FGF14: variants seen among roughly 807,000 people sequenced by gnomAD.
The protein encoded by FGF14 is fibroblast growth factor homologous factor 4.
In FGF14, 5 loss-of-function variants were observed where a neutral mutation model predicts 25.5. The ratio of observed to expected loss-of-function variants is 0.20; its 90% CI spans 0.10 to 0.41. The LOEUF (loss-of-function observed/expected upper bound fraction) is 0.41, where lower values mean the gene tolerates loss of function less well. Among genes scored for constraint, FGF14 ranks in the 10% least tolerant of loss-of-function variants. The pLI, the probability that FGF14 is intolerant of heterozygous loss-of-function variation, is 1.00. For synonymous variants in FGF14, 138 were observed against 118.3 expected (o/e 1.17, Z -1.08); for missense variants, 222 against 320.1 (o/e 0.69, Z 2.34).
chr13:101,769,445 A>G (rs922560200), intron 3 of FGF14, among the ~76,000 whole-genome samples: 5 of 152,080 alleles, frequency 3.3e-5, no homozygotes, highest in African/African-American at 1.2e-4. Flanking sequence ...CACCAGTCAT[A>G]CTCCTTGATA....
At chr13:102,090,621 C>T (rs1379377360) in intron 1 of FGF14, among the ~76,000 whole-genome samples, 1 of 152,202 alleles carries the variant, frequency 6.6e-6, no homozygotes, top group Non-Finnish European at 1.5e-5. Flanking sequence ...TGAAAGGGCA[C>T]AGATGGCAGT....
intron 1 of FGF14, among the ~76,000 whole-genome samples, chr13:101,978,668 C>T (rs557638484): frequency 2.6e-5 from 4 of 152,286 alleles, no homozygotes; most frequent in East Asian, 1.9e-4. Context: ...CACTTAAATT[C>T]GCTAGGCATT....
chr13:102,275,262 T>TTCTCTCTCTCTCTCTCTCTCTCTCTCTC lies in FGF14; in HGVS notation c.208+126208_208+126209insGAGAGAGAGAGAGAGAGAGAGAGAGAGA, dbSNP rs56028235. On this transcript the variant is annotated intron_variant, in intron 1 of 4. Transcript: ENST00000376131. ...TCTCTCTCTCTCTCTCTCTCTCTCT[T>TTCTCTCTCTCTCTCTCTCTCTCTCTCTC]TCTCTCTCTCTCTCTCTCTCTCTCT... Among the ~76,000 whole-genome samples, 7 of 68,918 alleles carry TTCTCTCTCTCTCTCTCTCTCTCTCTCTC rather than the reference T, an allele frequency of 1.0e-4. 2 individuals are homozygous for TTCTCTCTCTCTCTCTCTCTCTCTCTCTC. The highest frequency in any genetic ancestry group is 2.5e-4 in the African/African-American group (5 of 19,838). The allele number at this position is 68,918 out of a possible 152,430, so 45.2% of individuals were successfully genotyped here.
At chr13:102,265,269 T>C (rs2052932471) in intron 1 of FGF14, among the ~76,000 whole-genome samples, 1 of 152,124 alleles carries the variant, frequency 6.6e-6, no homozygotes. Flanking sequence ...TAACTCTCCA[T>C]ACCCATTTCT....
At chr13:101,869,206 G>A (rs2044901438) in intron 2 of FGF14, among the ~76,000 whole-genome samples, 1 of 152,176 alleles carries the variant, frequency 6.6e-6, no homozygotes, top group Non-Finnish European at 1.5e-5. Flanking sequence ...TGTTTATTCT[G>A]ACCCTTCGCA....
chr13:102,310,651 TTCTCTCTCTCTC>T (rs34400050), intron 1 of FGF14, among the ~76,000 whole-genome samples: 24 of 45,802 alleles, frequency 5.2e-4, no homozygotes, highest in African/African-American at 4.9e-4. Context: ...CTCTTCCCGT[TTCTCTCTCTCTC>T]TCTCTCTCTC....
chr13:102,243,325 G>T (rs922958242), intron 1 of FGF14, among the ~76,000 whole-genome samples: 1 of 152,156 alleles, frequency 6.6e-6, no homozygotes, highest in South Asian at 2.1e-4. Flanking sequence ...ACCAAATTCT[G>T]CCTTTTAATG....
chr13:102,340,204 ATGT>A (rs2056907543), intron 1 of FGF14, among the ~76,000 whole-genome samples: 1 of 152,170 alleles, frequency 6.6e-6, no homozygotes, highest in South Asian at 2.1e-4. Context: ...TCCAGTTGCA[ATGT>A]TTTCAGATTC....
intron 1 of FGF14, among the ~76,000 whole-genome samples, chr13:102,369,621 C>T (rs1050833433): frequency 2.0e-5 from 3 of 152,134 alleles, no homozygotes; most frequent in Non-Finnish European, 4.4e-5. Context: ...CCATTGCTGC[C>T]TTAGAGTCTG....
intron 1 of FGF14, among the ~76,000 whole-genome samples, chr13:102,085,573 G>C (rs1057438309): frequency 6.6e-6 from 1 of 152,146 alleles, no homozygotes; most frequent in Non-Finnish European, 1.5e-5. Context: ...GGAAGACATA[G>C]GCCATTTCCT....
chr13:101,839,575 A>C (rs1332872693), intron 3 of FGF14, among the ~76,000 whole-genome samples: 2 of 151,930 alleles, frequency 1.3e-5, no homozygotes, highest in Non-Finnish European at 2.9e-5. Flanking sequence ...ATATTTATGG[A>C]GTACAGGAGA....
intron 3 of FGF14, among the ~76,000 whole-genome samples, chr13:101,849,617 A>G (rs2043643576): frequency 6.6e-6 from 1 of 152,134 alleles, no homozygotes; most frequent in African/African-American, 2.4e-5. Flanking sequence ...CTAGACAAAT[A>G]TGAGGAAACA....
At chr13:101,886,594 C>T (rs745532954) in intron 1 of FGF14, among the ~76,000 whole-genome samples, 4 of 151,958 alleles carry the variant, frequency 2.6e-5, no homozygotes, top group Non-Finnish European at 5.9e-5. Flanking sequence ...TTAAAACTAC[C>T]AGAAGAAATC....
intron 1 of FGF14, among the ~76,000 whole-genome samples, chr13:102,326,743 GAAGGAAGGAAA>G (rs1566939173): frequency 1.4e-4 from 14 of 97,862 alleles, no homozygotes; most frequent in African/African-American, 5.4e-4. Flanking sequence ...AGGAAGGAAG[GAAGGAAGGAAA>G]GAGGGAGGGA....
At chr13:101,864,680 C>A (rs1018083175) in intron 3 of FGF14, among the ~76,000 whole-genome samples, 3 of 152,106 alleles carry the variant, frequency 2.0e-5, no homozygotes, top group Admixed American at 6.6e-5. Context: ...TCCACTTATA[C>A]AATCTGGTTA....
chr13:102,276,353 G>GTATATATATATATATATA (rs10574334), intron 1 of FGF14, among the ~76,000 whole-genome samples: 1 of 103,288 alleles, frequency 9.7e-6, no homozygotes, highest in African/African-American at 3.8e-5. Flanking sequence ...GTGTGTGTGT[G>GTATATATATATATATATA]TATATATATA....
At chr13:102,026,805 T>A (rs1261612982) in intron 1 of FGF14, among the ~76,000 whole-genome samples, 7 of 151,894 alleles carry the variant, frequency 4.6e-5, no homozygotes, top group African/African-American at 2.4e-5. Flanking sequence ...ATTATTTACA[T>A]AAGAAATTGT....
At chr13:102,227,603 T>C (rs1033582826) in intron 1 of FGF14, among the ~76,000 whole-genome samples, 1 of 152,136 alleles carries the variant, frequency 6.6e-6, no homozygotes, top group Non-Finnish European at 1.5e-5. Context: ...ATCACACAAC[T>C]CTATGCAACG....
intron 1 of FGF14, among the ~76,000 whole-genome samples, chr13:102,258,141 C>A (rs953063161): frequency 6.6e-6 from 1 of 152,180 alleles, no homozygotes; most frequent in Admixed American, 6.5e-5. Context: ...TGTAAGACTT[C>A]TTCACTACCA....
Sources: allele counts gnomAD v4.1 joint callset (sites outside exome capture counted in the v4.1 genomes callset), GRCh38; gene constraint gnomAD v4.1.1; transcripts MANE v1.5; gene names NCBI Gene and HGNC (gene_info 2026-07-23, HGNC 2026-07-21).